The following TTK variants were observed in gnomAD, a reference collection of about 807,000 sequenced individuals.
The protein encoded by TTK is TTK protein kinase.
A neutral mutation model predicts 117.3 loss-of-function variants in TTK; 59 were observed. The ratio of observed to expected loss-of-function variants is 0.50; its 90% CI spans 0.41 to 0.62. The LOEUF (loss-of-function observed/expected upper bound fraction) is 0.62. Ranked by LOEUF, TTK falls within the 20% of genes least tolerant of loss-of-function variation. The pLI is 0.00. For synonymous variants in TTK, 302 were observed against 325.0 expected (o/e 0.93, Z 0.76); for missense variants, 921 against 989.4 (o/e 0.93, Z 0.93).
In TTK at chr6:80,039,887, A is replaced by G. The variant is rs1009231180; in HGVS notation, c.2307+15A>G. The G allele has an allele frequency of 4.1e-6, 6 of 1,470,890 alleles. No homozygotes were observed. The highest frequency in any genetic ancestry group is 3.6e-6 in the Non-Finnish European group (4 of 1,105,986). The allele number at this position is 1,470,890 out of a possible 1,614,324, so 91.1% of individuals were successfully genotyped here. A position where few individuals can be genotyped will look rare whatever the true frequency, so the allele number is the denominator to read the frequency against. ...ATGTGTTAAAGGTAATATTAATTTC[A>G]TGTAACTAATTATTTACTTAAAAGA... is the stretch of plus-strand genomic sequence containing the variant. On this transcript the variant is annotated intron_variant, in intron 19 of 21. Transcript: ENST00000369798.
At chr6:80,009,537 A>G (rs1396338476) in intron 4 of TTK, among the ~76,000 whole-genome samples, 1 of 152,072 alleles carries the variant, frequency 6.6e-6, no homozygotes, top group East Asian at 1.9e-4. Flanking sequence ...TTCTGCTTGA[A>G]AATTTCTTGA....
chr6:80,013,509 CTACGAGTGGGAA>C (rs1014884760), intron 9 of TTK, 143 bp downstream of exon 9: 2 of 637,342 alleles, frequency 3.1e-6, no homozygotes, highest in African/African-American at 4.0e-5. Context: ...AGCTGTGGGA[CTACGAGTGGGAA>C]GTTGGTGCAG....
At chr6:80,004,859 G>T (rs1430873725) in intron 1 of TTK, 146 bp downstream of exon 1, 3 of 152,198 alleles carry the variant, frequency 2.0e-5, no homozygotes, top group East Asian at 1.9e-4. Context: ...ACGAGCTGGA[G>T]GGGGAGGGGA....
intron 10 of TTK, among the ~76,000 whole-genome samples, chr6:80,015,539 A>G (rs1184179782): frequency 6.6e-6 from 1 of 152,178 alleles, no homozygotes; most frequent in East Asian, 1.9e-4. Flanking sequence ...CAATATCCCA[A>G]GAATGCCTCA....
At chr6:80,005,483 C>G (rs1356110767) in intron 1 of TTK, among the ~76,000 whole-genome samples, 1 of 152,180 alleles carries the variant, frequency 6.6e-6, no homozygotes, top group African/African-American at 2.4e-5. Context: ...TTCTTTATGT[C>G]TATGTCACTA....
At chr6:80,031,986 G>C (rs1767771522) in intron 14 of TTK, among the ~76,000 whole-genome samples, 2 of 152,154 alleles carry the variant, frequency 1.3e-5, no homozygotes, top group Non-Finnish European at 2.9e-5. Context: ...ACAGAATTCA[G>C]TAACAAATGA....
At chr6:80,026,639 T>A in intron 12 of TTK, 125 bp downstream of exon 12, 1 of 1,363,578 alleles carries the variant, frequency 7.3e-7, no homozygotes, top group Non-Finnish European at 1.0e-6. Context: ...ATCTTCATAT[T>A]ATTTTTTCAG....
intron 13 of TTK, among the ~76,000 whole-genome samples, chr6:80,030,939 G>C (rs1160363864): frequency 6.6e-6 from 1 of 151,732 alleles, no homozygotes; most frequent in Admixed American, 6.6e-5. Flanking sequence ...CCAGCTACTC[G>C]GGAGGCTGAG....
At chr6:80,029,499 C>G (rs1241971509) in intron 13 of TTK, among the ~76,000 whole-genome samples, 1 of 152,182 alleles carries the variant, frequency 6.6e-6, no homozygotes. Flanking sequence ...ATTTATTTAG[C>G]TATTACTAGT....
In TTK at chr6:80,022,399, G is replaced by C; in HGVS notation, c.1184G>C (p.Cys395Ser). 1 of 1,614,058 alleles carries C rather than the reference G, an allele frequency of 6.2e-7. No homozygotes were observed. Among genetic ancestry groups the C allele is most frequent in the South Asian group, 1.1e-5 (1 of 91,064 alleles). ...KQWQSKRKSECINQNPAASSN... is the reference protein window; with the variant it reads ...KQWQSKRKSESINQNPAASSN... ...TGGCAATCTAAGAGAAAGTCAGAGTGTATTAACCAGAATCCTGCTGCATCT... is the reference window on the plus strand; with the variant it reads ...TGGCAATCTAAGAGAAAGTCAGAGTCTATTAACCAGAATCCTGCTGCATCT... Residue 395 changes from cysteine to serine, a missense_variant, in exon 11 of 22, where the codon TGT becomes TCT. By Grantham distance (112) the Cys-to-Ser change is moderately radical. Coordinates refer to ENST00000369798, the MANE Select transcript of TTK (RefSeq NM_003318.5).
At position 80,007,908 on chromosome 6, in the gene TTK, G is replaced by T; in HGVS notation, c.239G>T (p.Ser80Ile). 3 of 1,613,598 alleles carry T rather than the reference G, an allele frequency of 1.9e-6. No individual in the cohort carries two copies. The highest frequency in any genetic ancestry group is 2.5e-6 in the Non-Finnish European group (3 of 1,179,644). Reference sequence around the variant, plus strand: ...CTAGAGAAAAACAGTGTTCCGCTAAGTGATGCTCTTTTAAATAAATTGATT... The same window carrying T: ...CTAGAGAAAAACAGTGTTCCGCTAATTGATGCTCTTTTAAATAAATTGATT... The part of the protein sequence containing the change: ...LKLEKNSVPL[S>I]DALLNKLIGR... The change falls in exon 3 of 22, where the codon AGT becomes ATT. Residue 80 changes from serine to isoleucine, a missense_variant. Transcript: ENST00000369798.
At chr6:80,011,018 G>T (rs1279116147) in intron 5 of TTK, 61 bp downstream of exon 5, 1 of 1,475,114 alleles carries the variant, frequency 6.8e-7, no homozygotes, top group Admixed American at 2.1e-5. Flanking sequence ...AAAGATTCGG[G>T]ATAATAATTT....
At chr6:80,025,479 T>C (rs1035270893) in intron 11 of TTK, among the ~76,000 whole-genome samples, 1 of 152,214 alleles carries the variant, frequency 6.6e-6, no homozygotes, top group African/African-American at 2.4e-5. Context: ...ACTAAAGCTG[T>C]CCTGAAATTG....
chr6:80,019,652 A>C (rs148598271), intron 10 of TTK, among the ~76,000 whole-genome samples: 1 of 152,222 alleles, frequency 6.6e-6, no homozygotes, highest in Non-Finnish European at 1.5e-5. Context: ...CAACCTAAGT[A>C]AGAATCTTAG....
At position 80,005,936 on chromosome 6, in the gene TTK, C is replaced by T. The variant is rs1441870045; in HGVS notation, c.93C>T (p.Asp31=). The T allele has an allele frequency of 1.2e-6, 2 of 1,612,050 alleles. No homozygotes were observed. Among genetic ancestry groups the T allele is most frequent in the Non-Finnish European group, 1.7e-6 (2 of 1,179,440 alleles). Residue 31 remains aspartate, a synonymous_variant, in exon 2 of 22, where the codon GAC becomes GAT. Coordinates refer to ENST00000369798, the MANE Select transcript of TTK (RefSeq NM_003318.5). ...TTAAAAATAAGTTTAAAAATGAAGA[C>T]CTTACTGATGAACTAAGCTTGAATA... The part of the protein sequence containing the change: ...RDIKNKFKNE[D]LTDELSLNKI...
chr6:80,029,682 A>C (rs79085442), intron 13 of TTK, among the ~76,000 whole-genome samples: 161 of 152,288 alleles, frequency 1.1e-3, no homozygotes, highest in African/African-American at 3.6e-3. Flanking sequence ...TGGGCCCTTA[A>C]GTTTTACCCT....
intron 18 of TTK, among the ~76,000 whole-genome samples, chr6:80,039,100 T>G (rs1247979437): frequency 6.6e-6 from 1 of 152,082 alleles, no homozygotes; most frequent in African/African-American, 2.4e-5. Flanking sequence ...ATAGCTGAAA[T>G]GATTGGAATT....
intron 13 of TTK, among the ~76,000 whole-genome samples, chr6:80,028,299 T>G (rs902451673): frequency 4.5e-4 from 11 of 24,372 alleles, no homozygotes; most frequent in Admixed American, 1.6e-3. Context: ...TTTTTTATTT[T>G]TATTTATTTA....
intron 13 of TTK, among the ~76,000 whole-genome samples, chr6:80,029,922 A>G (rs1327548986): frequency 1.3e-5 from 2 of 152,180 alleles, no homozygotes; most frequent in Non-Finnish European, 2.9e-5. Flanking sequence ...TCCCTTGGCA[A>G]TGTTCACAGT....
Sources: allele counts gnomAD v4.1 joint callset (sites outside exome capture counted in the v4.1 genomes callset), GRCh38; gene constraint gnomAD v4.1.1; transcripts MANE v1.5; gene names NCBI Gene and HGNC (gene_info 2026-07-23, HGNC 2026-07-21).